Variants in B4GALNT1 observed in about 807,000 individuals in gnomAD.
B4GALNT1 encodes the protein beta-1,4 N-acetylgalactosaminyltransferase 1.
B4GALNT1 carries 43 observed loss-of-function variants against 55.2 expected under a neutral mutation model. The ratio of observed to expected loss-of-function variants is 0.78; its 90% CI spans 0.61 to 1.00. The LOEUF (loss-of-function observed/expected upper bound fraction) is 1.00, where lower values mean the gene tolerates loss of function less well. B4GALNT1 is among the 50% of genes least tolerant of loss of function. The pLI, the probability that B4GALNT1 is intolerant of heterozygous loss-of-function variation, is 0.00. For synonymous variants in B4GALNT1, 305 were observed against 311.6 expected (o/e 0.98, Z 0.22); for missense variants, 664 against 729.7 (o/e 0.91, Z 1.04).
chr12:57,630,768 C>T (rs1240697263), intron 4 of B4GALNT1, among the ~76,000 whole-genome samples: 2 of 152,184 alleles, frequency 1.3e-5, no homozygotes, highest in African/African-American at 2.4e-5. Flanking sequence ...TAGATTATTT[C>T]CCCCAAAACT....
Position 57,631,262 on chromosome 12 carries a change from G to A in B4GALNT1, c.321C>T (p.Asp107=). The A allele has an allele frequency of 6.2e-7, 1 of 1,614,220 alleles. No individual in the cohort carries two copies. Among genetic ancestry groups the A allele is most frequent in the Non-Finnish European group, 8.5e-7 (1 of 1,180,038 alleles). Residue 107 remains aspartate, a synonymous_variant, in exon 3 of 11, where the codon GAC becomes GAT. Coordinates refer to ENST00000341156, the MANE Select transcript of B4GALNT1 (RefSeq NM_001478.5). ...VRAIDLTKAF[D]PAELRAASAT... The stretch of plus-strand genomic sequence containing the variant: ...CAGAGGCAGCCCTCAGCTCTGCAGG[G>A]TCAAAGGCCTTGGTGAGGTCAATAG...
intron 8 of B4GALNT1, 76 bp from the exon 9 acceptor site, chr12:57,628,338 C>T: frequency 6.3e-7 from 1 of 1,592,254 alleles, no homozygotes; most frequent in Non-Finnish European, 8.6e-7. Flanking sequence ...TTTCTCTCCC[C>T]CGACCCTTCT....
intron 6 of B4GALNT1, chr12:57,629,884 A>C: frequency 6.5e-7 from 1 of 1,530,974 alleles, no homozygotes; most frequent in Non-Finnish European, 8.7e-7. Flanking sequence ...TCCTTAGACA[A>C]GTCTCTTCCT....
chr12:57,630,106 TTC>T (rs750992013), intron 6 of B4GALNT1, 44 bp downstream of exon 6: 25 of 1,614,046 alleles, frequency 1.5e-5, no homozygotes, highest in Non-Finnish European at 1.5e-5. Context: ...TTTCTGGTTC[TTC>T]TCTGTTTGCC....
chr12:57,628,145 G>A lies in B4GALNT1; in HGVS notation c.1120C>T (p.Leu374=). ...ACCAGGTCCAGCGGCGTCCGCTCCA[G>A]CACGTCCACAAGCCTCTCCAGCCGC... The part of the protein sequence containing the change: ...RTRLERLVDV[L]ERTPLDLVGG... Residue 374 remains leucine, a synonymous_variant, in exon 9 of 11, where the codon CTG becomes TTG. Transcript: ENST00000341156. 1 of 1,614,068 alleles carries A rather than the reference G, an allele frequency of 6.2e-7. No homozygotes were observed. The highest frequency in any genetic ancestry group is 8.5e-7 in the Non-Finnish European group (1 of 1,180,032).
chr12:57,627,297 C>T (rs1184749703), intron 10 of B4GALNT1, among the ~76,000 whole-genome samples: 2 of 151,736 alleles, frequency 1.3e-5, no homozygotes, highest in South Asian at 2.1e-4. Context: ...GGGGGCCCAG[C>T]GGCTGTGCTG....
intron 1 of B4GALNT1, chr12:57,632,495 G>A (rs1885292550): frequency 2.9e-6 from 1 of 343,304 alleles, no homozygotes; most frequent in Non-Finnish European, 5.5e-6. Flanking sequence ...CAAGCCCGCC[G>A]CCCGCCCTGG....
chr12:57,625,811 A>G lies in B4GALNT1; in HGVS notation c.*933T>C, dbSNP rs1269161094. The G allele has an allele frequency of 2.0e-6, 3 of 1,471,396 alleles. No homozygotes were observed. Among genetic ancestry groups the G allele is most frequent in the Admixed American group, 2.5e-5 (1 of 39,804 alleles). The allele number at this position is 1,471,396 out of a possible 1,614,324, so 91.1% of individuals were successfully genotyped here. On this transcript the variant is annotated 3_prime_UTR_variant, in exon 11 of 11. Coordinates refer to ENST00000341156, the MANE Select transcript of B4GALNT1 (RefSeq NM_001478.5). ...GGAAAGGGTCTGAGGAAGATCAAGAAGAAAAGGGTGGGGACGGAATGAATA... is the reference window on the plus strand; with the variant it reads ...GGAAAGGGTCTGAGGAAGATCAAGAGGAAAAGGGTGGGGACGGAATGAATA...
At position 57,627,777 on chromosome 12, in the gene B4GALNT1, G is replaced by A. The variant is rs1413280415; in HGVS notation, c.1225C>T (p.Leu409Phe). The change falls in exon 10 of 11, where the codon CTC (leucine) becomes TTC (phenylalanine). Residue 409 changes from leucine (L) to phenylalanine (F), a missense_variant. By Grantham distance (22) the Leu-to-Phe change is conservative (BLOSUM62 0). Transcript: ENST00000341156. ...LLSVEPGAPG[L>F]GNCLRQRRGF... is the part of the protein sequence containing the mutation. ...CGCCTTTGCCGGAGGCAGTTCCCGA[G>A]GCCTGGGGCGCCGGGCTCCACGCTC... 1.9e-6 allele frequency: 3 copies of A among 1,602,666 alleles called. No homozygotes were observed. The highest frequency in any genetic ancestry group is 1.7e-5 in the Admixed American group (1 of 59,036).
Position 57,631,102 on chromosome 12 carries a change from G to A in B4GALNT1, c.384-16C>T. 1.2e-6 allele frequency: 2 copies of A among 1,609,968 alleles called. No individual in the cohort carries two copies. Among genetic ancestry groups the A allele is most frequent in the Non-Finnish European group, 1.7e-6 (2 of 1,177,992 alleles). On this transcript the variant is annotated splice_polypyrimidine_tract_variant and intron_variant, in intron 3 of 10. Transcript: ENST00000341156. ...GGACTGGCTCCTGGCAGTGGAGGAAGGAGAGGACAGAGCAGAGTCGGGGGG... is the reference window on the plus strand; with the variant it reads ...GGACTGGCTCCTGGCAGTGGAGGAAAGAGAGGACAGAGCAGAGTCGGGGGG...
Position 57,630,243 on chromosome 12 carries a change from G to A in B4GALNT1, c.621C>T (p.Thr207=), listed in dbSNP as rs2140249268. The part of the protein sequence containing the change: ...TLTGEGQADL[T]LVSPGLDQLN... Reference sequence around the variant, plus strand: ...GTTGGTCCAGCCCTGGGCTGACAAGGGTGAGATCTGCCTGACCCTCTCCAG... The same window carrying A: ...GTTGGTCCAGCCCTGGGCTGACAAGAGTGAGATCTGCCTGACCCTCTCCAG... The change falls in exon 6 of 11, where the codon ACC becomes ACT. Residue 207 remains threonine, a synonymous_variant. Coordinates refer to ENST00000341156, the MANE Select transcript of B4GALNT1 (RefSeq NM_001478.5). 1 of 1,614,232 alleles carries A rather than the reference G, an allele frequency of 6.2e-7. No homozygotes were observed.
intron 1 of B4GALNT1, 117 bp downstream of exon 1, chr12:57,632,655 C>A (rs1045764372): frequency 3.8e-4 from 74 of 193,578 alleles, no homozygotes; most frequent in Non-Finnish European, 6.2e-4. Flanking sequence ...TGAGTGGCCT[C>A]GGCAAGCGGC....
At position 57,623,422 on chromosome 12, in the gene B4GALNT1, T is replaced by G. The variant is rs1393027400; in HGVS notation, c.*3322A>C. The G allele has an allele frequency of 2.1e-6, 1 of 480,658 alleles. No individual in the cohort carries two copies. Among genetic ancestry groups the G allele is most frequent in the Non-Finnish European group, 3.7e-6 (1 of 273,046 alleles). 29.8% of individuals were successfully genotyped at this position (480,658 alleles called of 1,614,324 possible). On this transcript the variant is annotated 3_prime_UTR_variant, in exon 11 of 11. Coordinates refer to ENST00000341156, the MANE Select transcript of B4GALNT1 (RefSeq NM_001478.5). ...AAAACTATAAAATAAACTTAAGAGA[T>G]AAAATTCTTATTTTTTTCACACAAT... is the stretch of plus-strand genomic sequence containing the variant.
In B4GALNT1 at chr12:57,628,512, T is replaced by G. The variant is rs1884988635; in HGVS notation, c.1002+201A>C. 8.7e-6 allele frequency: 7 copies of G among 802,396 alleles called. No individual in the cohort carries two copies. The South Asian group carries it at 1.3e-4, about 15-fold the overall frequency. 49.7% of individuals were successfully genotyped at this position (802,396 alleles called of 1,614,324 possible). On this transcript the variant is annotated intron_variant, in intron 8 of 10. Transcript: ENST00000341156. ...CATCAGCTATTTTATTGAATGCCAT[T>G]AGGCACTAAGCACCATTCTAAGAAT...
Position 57,623,476 on chromosome 12 carries a change from T to C in B4GALNT1, c.*3268A>G, listed in dbSNP as rs563777761. ...ATTGTCTTTTAAAAGGAATATCACA[T>C]ATCAAAGTCTCCCCCTAATATTTTT... On this transcript the variant is annotated 3_prime_UTR_variant, in exon 11 of 11. Transcript: ENST00000341156. 11 of 436,366 alleles carry C rather than the reference T, an allele frequency of 2.5e-5. No individual in the cohort carries two copies. The South Asian group carries it at 3.7e-4, about 15-fold the overall frequency. The allele number at this position is 436,366 out of a possible 1,614,324, so 27.0% of individuals were successfully genotyped here.
rs1448709886 is a variant in B4GALNT1, at chr12:57,623,905, C to T, written c.*2839G>A. ...GTGGCTGGGGCCCTTCTTTTACTAT[C>T]TGCCCAAGGTAATGAGCAGAGGAGG... On this transcript the variant is annotated 3_prime_UTR_variant, in exon 11 of 11. Coordinates refer to ENST00000341156, the MANE Select transcript of B4GALNT1 (RefSeq NM_001478.5). 1.9e-6 allele frequency: 3 copies of T among 1,614,052 alleles called. No homozygotes were observed. Among genetic ancestry groups the T allele is most frequent in the South Asian group, 2.2e-5 (2 of 91,076 alleles).
chr12:57,630,923 T>C, intron 4 of B4GALNT1, 57 bp downstream of exon 4: 1 of 1,504,432 alleles, frequency 6.6e-7, no homozygotes, highest in Non-Finnish European at 9.2e-7. Flanking sequence ...CCACCCAACC[T>C]TGGGCTCTGC....
chr12:57,625,421 A>C lies in B4GALNT1; in HGVS notation c.*1323T>G. 1 of 1,614,144 alleles carries C rather than the reference A, an allele frequency of 6.2e-7. No individual in the cohort carries two copies. Among genetic ancestry groups the C allele is most frequent in the Non-Finnish European group, 8.5e-7 (1 of 1,180,018 alleles). On this transcript the variant is annotated 3_prime_UTR_variant, in exon 11 of 11. Coordinates refer to ENST00000341156, the MANE Select transcript of B4GALNT1 (RefSeq NM_001478.5). ...CCCCATCCCTGCAGCTGGCCAGCCG[A>C]TGTCGAGATGCTAGGATCCGCCTCC...
At chr12:57,628,413 G>A in intron 8 of B4GALNT1, 151 bp from the exon 9 acceptor site, 1 of 1,181,954 alleles carries the variant, frequency 8.5e-7, no homozygotes, top group Non-Finnish European at 1.2e-6. Flanking sequence ...TAAAAGAAAT[G>A]CAGATCCCCA....
Sources: gnomAD v4.1 joint callset for allele counts (sites outside exome capture counted in the v4.1 genomes callset) on GRCh38, gnomAD v4.1.1 for gene constraint, MANE v1.5 for transcripts, NCBI Gene and HGNC (gene_info 2026-07-23, HGNC 2026-07-21) for gene names.